STARD9: variants seen among roughly 807,000 people sequenced by gnomAD.
The protein encoded by STARD9 is stAR-related lipid transfer protein 9.
Under a neutral mutation model 399.8 loss-of-function variants are expected in STARD9, and 346 were observed. The ratio of observed to expected loss-of-function variants is 0.87; its 90% confidence interval spans 0.79 to 0.95. STARD9 has a LOEUF of 0.95. Among genes scored for constraint, STARD9 ranks in the 40% least tolerant of loss-of-function variants. STARD9 has a pLI of 0.00. For synonymous variants in STARD9, 2,203 were observed against 2,143.5 expected (o/e 1.03, Z -0.77); for missense variants, 5,832 against 5,667.5 (o/e 1.03, Z -0.93).
rs1375053156 is a variant in STARD9, at chr15:42,693,363, G to A, written c.11785G>A (p.Glu3929Lys). The A allele has an allele frequency of 3.3e-6, 5 of 1,537,022 alleles. No homozygotes were observed. The highest frequency in any genetic ancestry group is 3.5e-6 in the Non-Finnish European group (4 of 1,146,904). ...CTCAGCCCCTTCAACTCACCCTGTTGAAGGCCACCAGAAGCTTGACTCCAG... is the reference window on the plus strand; with the variant it reads ...CTCAGCCCCTTCAACTCACCCTGTTAAAGGCCACCAGAAGCTTGACTCCAG... ...TLSAPSTHPVEGHQKLDSSPD... is the reference protein window; with the variant it reads ...TLSAPSTHPVKGHQKLDSSPD... The change falls in exon 23 of 33, where the codon GAA becomes AAA. Residue 3929 changes from glutamate (E) to lysine (K), a missense_variant. This residue lies in a region of STARD9 where 5,828 missense variants were observed against 5,651.1 expected (regional missense o/e 1.03). Transcript: ENST00000290607.
At chr15:42,586,840 CTTT>C (rs766190755) in intron 3 of STARD9, among the ~76,000 whole-genome samples, 3 of 136,662 alleles carry the variant, frequency 2.2e-5, no homozygotes, top group South Asian at 2.4e-4. Context: ...TTTCATAAAA[CTTT>C]TTTTTTTTTT....
At chr15:42,618,237 A>C (rs2059012862) in intron 3 of STARD9, among the ~76,000 whole-genome samples, 1 of 151,600 alleles carries the variant, frequency 6.6e-6, no homozygotes, top group Non-Finnish European at 1.5e-5. Context: ...AGCTCAATTG[A>C]TCCTCTTGCC....
At chr15:42,617,313 G>C (rs768979982) in intron 3 of STARD9, among the ~76,000 whole-genome samples, 1 of 152,156 alleles carries the variant, frequency 6.6e-6, no homozygotes, top group Non-Finnish European at 1.5e-5. Context: ...TTTGACTTCA[G>C]AAAATTAGGA....
At chr15:42,713,912 T>C (rs2061300782) in intron 26 of STARD9, among the ~76,000 whole-genome samples, 1 of 152,196 alleles carries the variant, frequency 6.6e-6, no homozygotes, top group Non-Finnish European at 1.5e-5. Context: ...AGTTGGCAAG[T>C]GTTCCCTCCT....
At chr15:42,638,197 A>G in intron 6 of STARD9, 110 bp downstream of exon 6, 1 of 947,328 alleles carries the variant, frequency 1.1e-6, no homozygotes, top group South Asian at 1.5e-5. Flanking sequence ...GGATGGAGAA[A>G]AGCCACAGAA....
intron 26 of STARD9, among the ~76,000 whole-genome samples, chr15:42,704,578 C>T (rs994111117): frequency 4.6e-5 from 7 of 152,152 alleles, no homozygotes; most frequent in African/African-American, 1.2e-4. Context: ...GCCATCTTAG[C>T]GCTAGAGGGC....
At chr15:42,671,073 T>C (rs535198792) in intron 16 of STARD9, 1 of 151,470 alleles carries the variant, frequency 6.6e-6, no homozygotes, top group South Asian at 2.1e-4. Context: ...ACTATTAGAT[T>C]GAATCGTAGA....
chr15:42,618,854 G>A (rs538043621), intron 3 of STARD9, among the ~76,000 whole-genome samples: 95 of 152,226 alleles, frequency 6.2e-4, no homozygotes, highest in Admixed American at 2.9e-3. Context: ...TTAGAAGTGT[G>A]AGCCATCGCG....
At chr15:42,709,354 A>G (rs1339200371) in intron 26 of STARD9, among the ~76,000 whole-genome samples, 1 of 152,080 alleles carries the variant, frequency 6.6e-6, no homozygotes, top group Non-Finnish European at 1.5e-5. Flanking sequence ...CCATGATTAC[A>G]TCATTGGCCT....
intron 9 of STARD9, 139 bp downstream of exon 9, chr15:42,652,731 AGTG>A: frequency 1.3e-6 from 1 of 741,554 alleles, no homozygotes; most frequent in African/African-American, 1.7e-5. Flanking sequence ...ACTGGAGTGC[AGTG>A]GCGCGATCTC....
chr15:42,616,547 T>A (rs1232730194), intron 3 of STARD9, among the ~76,000 whole-genome samples: 1 of 152,130 alleles, frequency 6.6e-6, no homozygotes, highest in African/African-American at 2.4e-5. Flanking sequence ...AGCAAGAGCT[T>A]TGTTTAGAAG....
rs115794149 is a variant in STARD9, at chr15:42,688,243, A to G, written c.6665A>G (p.Asn2222Ser). The change falls in exon 23 of 33, where the codon AAT becomes AGT. Residue 2222 changes from asparagine (N) to serine (S), a missense_variant. By Grantham distance (46) the Asn-to-Ser change is conservative. This residue lies in a region of STARD9 where 5,828 missense variants were observed against 5,651.1 expected (regional missense o/e 1.03). Transcript: ENST00000290607. ...CCCAGGCTAGAGAGGTCTTCTAAGAATAATGGCCAGTTTGTAAAAGCATCA... is the reference window on the plus strand; with the variant it reads ...CCCAGGCTAGAGAGGTCTTCTAAGAGTAATGGCCAGTTTGTAAAAGCATCA... ...LQPRLERSSK[N>S]NGQFVKASAS... 2,589 of 1,537,624 alleles carry G rather than the reference A, an allele frequency of 1.7e-3. 36 individuals carry two copies. In the African/African-American group the frequency reaches 0.03, roughly 18 times the overall value.
intron 26 of STARD9, among the ~76,000 whole-genome samples, chr15:42,699,906 C>G (rs2060929072): frequency 6.6e-6 from 1 of 152,012 alleles, no homozygotes; most frequent in Non-Finnish European, 1.5e-5. Context: ...GGGTTTTCAC[C>G]ATGTTAGCTA....
chr15:42,718,767 AT>A lies in STARD9; in HGVS notation c.13859del (p.Met4620ArgfsTer61). 1 of 1,537,236 alleles carries A rather than the reference AT, an allele frequency of 6.5e-7. No individual in the cohort carries two copies. The highest frequency in any genetic ancestry group is 8.7e-7 in the Non-Finnish European group (1 of 1,146,898). Reference sequence around the variant, plus strand: ...CTGTCCCCAGGGTCACCTGTCTGTCATGGCAGCCCAGTCTGTGTATGATACA... The same window carrying A: ...CTGTCCCCAGGGTCACCTGTCTGTCAGGCAGCCCAGTCTGTGTATGATACA... Reference protein sequence around the residue: ...VEAKEGHLSVMAAQSVYDTSM... With the variant: ...VEAKEGHLSVXAAQSVYDTSM... On this transcript the variant is annotated frameshift_variant, in exon 32 of 33. Coordinates refer to ENST00000290607, the MANE Select transcript of STARD9 (RefSeq NM_020759.3). LOFTEE classifies it high-confidence loss of function.
chr15:42,692,762 TCAGACCACTGTGGATGAGGG>T lies in STARD9; in HGVS notation c.11188_11207del (p.Thr3730ProfsTer3). On this transcript the variant is annotated frameshift_variant, in exon 23 of 33. Transcript: ENST00000290607. LOFTEE classifies it high-confidence loss of function. ...AGGCCCTGATGATGGATGGCTCTAC[TCAGACCACTGTGGATGAGGG>T]CAGCCAGACTGACCTCACCTTACCC... The T allele has an allele frequency of 6.5e-7, 1 of 1,537,146 alleles. No individual in the cohort carries two copies. Among genetic ancestry groups the T allele is most frequent in the Non-Finnish European group, 8.7e-7 (1 of 1,146,892 alleles).
At chr15:42,658,849 A>G (rs1396944475) in intron 9 of STARD9, among the ~76,000 whole-genome samples, 3 of 146,846 alleles carry the variant, frequency 2.0e-5, no homozygotes, top group African/African-American at 7.4e-5. Flanking sequence ...GTGGTGGTTC[A>G]TGCCTGTAAT....
chr15:42,592,877 C>T (rs1435612584), intron 3 of STARD9, among the ~76,000 whole-genome samples: 1 of 152,176 alleles, frequency 6.6e-6, no homozygotes, highest in African/African-American at 2.4e-5. Context: ...GTATTAAAGT[C>T]AATTTGCTTC....
At chr15:42,648,150 A>G (rs920793449) in intron 7 of STARD9, among the ~76,000 whole-genome samples, 1 of 149,588 alleles carries the variant, frequency 6.7e-6, no homozygotes, top group East Asian at 2.0e-4. Context: ...GCTATTGACA[A>G]GTTCTCTTTT....
At chr15:42,659,795 A>T (rs2059958005) in intron 9 of STARD9, among the ~76,000 whole-genome samples, 1 of 152,184 alleles carries the variant, frequency 6.6e-6, no homozygotes, top group Non-Finnish European at 1.5e-5. Flanking sequence ...AAGTGCTGGG[A>T]TTACAGGGGT....
Sources: gnomAD v4.1 joint callset for allele counts (sites outside exome capture counted in the v4.1 genomes callset) on GRCh38, gnomAD v4.1.1 for gene constraint, gnomAD v4.1.1 regional missense constraint, MANE v1.5 for transcripts, NCBI Gene and HGNC (gene_info 2026-07-23, HGNC 2026-07-21) for gene names.